The following DNM1 variants were observed in gnomAD, a reference collection of about 807,000 sequenced individuals.
The protein encoded by DNM1 is dynamin 1.
DNM1 carries 29 observed loss-of-function variants against 104.6 expected under a neutral mutation model. That is an observed-to-expected ratio of 0.28 (90% CI 0.21 to 0.38). The LOEUF (loss-of-function observed/expected upper bound fraction) is 0.38, where lower values mean the gene tolerates loss of function less well. DNM1 is among the 10% of genes least tolerant of loss of function. The probability of loss-of-function intolerance (pLI) is 1.00; values close to 1 mark genes in which losing one functional copy is unlikely to be tolerated. For synonymous variants in DNM1, 445 were observed against 475.8 expected, an observed-to-expected ratio of 0.94 and a Z score of 0.84; for missense variants, 640 against 1,189.4, an observed-to-expected ratio of 0.54 and a Z score of 6.79.
At chr9:128,215,105 C>T (rs1393866950) in intron 1 of DNM1, among the ~76,000 whole-genome samples, 1 of 152,214 alleles carries the variant, frequency 6.6e-6, no homozygotes, top group Non-Finnish European at 1.5e-5. Flanking sequence ...GCTCATTGTC[C>T]GGACCTGGGG....
Position 128,224,978 on chromosome 9 carries a change from C to T in DNM1, c.1335+589C>T, listed in dbSNP as rs1218473907. On this transcript the variant is annotated intron_variant, in intron 10 of 21. Transcript: ENST00000372923. This position sits in a 1 kb window ranked among gnomAD's most constrained non-coding sequence, Gnocchi z 4.3. ...CTCCCTCCCTTCCATCCACATCTGG[C>T]TTTCCAGGGATAGAGCCCTTCTCCC... Among the ~76,000 whole-genome samples the T allele has an allele frequency of 6.6e-6, 1 of 152,182 alleles. No homozygotes were observed. Among genetic ancestry groups the T allele is most frequent in the African/African-American group, 2.4e-5 (1 of 41,426 alleles).
intron 16 of DNM1, chr9:128,246,846 G>A: frequency 2.9e-6 from 1 of 344,248 alleles, no homozygotes; most frequent in South Asian, 3.1e-5. Context: ...CACTGGTATA[G>A]TGCATGCTCT....
chr9:128,242,441 T>C, intron 15 of DNM1, 96 bp downstream of exon 15: 1 of 695,458 alleles, frequency 1.4e-6, no homozygotes, highest in South Asian at 1.7e-5. Context: ...GACCATGGAA[T>C]AGGGTTTTAA....
At chr9:128,227,009 C>CTTTTTTTT (rs369464140) in intron 10 of DNM1, among the ~76,000 whole-genome samples, 10 of 101,776 alleles carry the variant, frequency 9.8e-5, no homozygotes, top group Non-Finnish European at 1.3e-4. Flanking sequence ...ATCTCCATTC[C>CTTTTTTTT]TTTTTTTTTT....
In DNM1 at chr9:128,203,779, G is replaced by A; in HGVS notation, c.161+148G>A. On this transcript the variant is annotated intron_variant, in intron 1 of 21. Transcript: ENST00000372923. This position sits in a 1 kb window ranked among gnomAD's most constrained non-coding sequence, Gnocchi z 5.3. ...CCCCACCCCCAGCCGGAGCGAGGAG[G>A]CCCTCCCCCCACCACGAGAGCCCCT... 1.5e-6 allele frequency: 1 copy of A among 683,940 alleles called. No homozygotes were observed. Among genetic ancestry groups the A allele is most frequent in the Non-Finnish European group, 2.0e-6 (1 of 496,858 alleles). The allele number at this position is 683,940 out of a possible 1,614,324, so 42.4% of individuals were successfully genotyped here.
chr9:128,217,949 T>A (rs949498129), intron 1 of DNM1, among the ~76,000 whole-genome samples: 3 of 152,172 alleles, frequency 2.0e-5, no homozygotes, highest in African/African-American at 7.2e-5. Flanking sequence ...GGGCAGGGAC[T>A]TCCTATTGGT....
At chr9:128,238,864 G>A (rs543962417) in intron 11 of DNM1, among the ~76,000 whole-genome samples, 113 of 150,044 alleles carry the variant, frequency 7.5e-4, no homozygotes, top group Non-Finnish European at 1.5e-3. Context: ...ACCGTGTTAG[G>A]CAGGATGGTC....
At position 128,253,903 on chromosome 9, in the gene DNM1, TC is replaced by T. The variant is rs1432080821; in HGVS notation, c.2535-750del. On this transcript the variant is annotated intron_variant, in intron 21 of 21. Coordinates refer to ENST00000372923, the MANE Select transcript of DNM1 (RefSeq NM_004408.4). This position sits in a 1 kb window ranked among gnomAD's most constrained non-coding sequence, Gnocchi z 5.9. ...TTGCTCCTAGGGTCACTTGTGCCAT[TC>T]AGCCAAGGGGACGACCGTGCCTGCT... 8.1e-7 allele frequency: 1 copy of T among 1,230,770 alleles called. No individual in the cohort carries two copies. The highest frequency in any genetic ancestry group is 1.6e-5 in the African/African-American group (1 of 64,460). 76.2% of individuals were successfully genotyped at this position (1,230,770 alleles called of 1,614,324 possible). A position where few individuals can be genotyped will look rare whatever the true frequency, so the allele number is the denominator to read the frequency against.
At position 128,254,536 on chromosome 9, in the gene DNM1, C is replaced by A; in HGVS notation, c.2535-118C>A. ...CACCCACACCTGCAGCCTCCCCTCC[C>A]CGGCCCTCCCACCACTGCTGCGGCG... On this transcript the variant is annotated intron_variant, in intron 21 of 21. Coordinates refer to ENST00000372923, the MANE Select transcript of DNM1 (RefSeq NM_004408.4). This position sits in a 1 kb window ranked among gnomAD's most constrained non-coding sequence, Gnocchi z 6.1. The A allele has an allele frequency of 6.4e-7, 1 of 1,553,096 alleles. No homozygotes were observed. Among genetic ancestry groups the A allele is most frequent in the East Asian group, 2.4e-5 (1 of 42,102 alleles).
At chr9:128,209,374 G>A (rs1217421584) in intron 1 of DNM1, among the ~76,000 whole-genome samples, 1 of 152,288 alleles carries the variant, frequency 6.6e-6, no homozygotes, top group Middle Eastern at 3.4e-3. Context: ...TCGGACCCAG[G>A]GAAGGGGGTG....
intron 11 of DNM1, among the ~76,000 whole-genome samples, chr9:128,237,076 A>G (rs1293053029): frequency 1.3e-5 from 2 of 152,332 alleles, no homozygotes; most frequent in Admixed American, 6.5e-5. Flanking sequence ...CAGAAACGCT[A>G]CATTTGTGGA....
chr9:128,225,963 T>G, intron 10 of DNM1: 1 of 1,464,800 alleles, frequency 6.8e-7, no homozygotes, highest in Non-Finnish European at 9.5e-7. Context: ...TGTCTCTGCT[T>G]GGCTTTCACC....
Position 128,222,189 on chromosome 9 carries a change from A to G in DNM1, c.850-8A>G, listed in dbSNP as rs750891102. ...TGTCCTCAACCCTTTCCTCACCCTTACCCCCAGCAACTGACGAACCACATC... is the reference window on the plus strand; with the variant it reads ...TGTCCTCAACCCTTTCCTCACCCTTGCCCCCAGCAACTGACGAACCACATC... On this transcript the variant is annotated splice_region_variant and splice_polypyrimidine_tract_variant and intron_variant, in intron 6 of 21. Transcript: ENST00000372923. This position sits in a 1 kb window ranked among gnomAD's most constrained non-coding sequence, Gnocchi z 7.8. The G allele has an allele frequency of 6.2e-6, 10 of 1,609,046 alleles. No homozygotes were observed. The African/African-American group carries it at 1.1e-4, about 17-fold the overall frequency.
chr9:128,206,375 G>A (rs1283202428), intron 1 of DNM1, among the ~76,000 whole-genome samples: 1 of 152,174 alleles, frequency 6.6e-6, no homozygotes, highest in Non-Finnish European at 1.5e-5. Context: ...TTTTACAGAA[G>A]GGAAAACTGA....
In DNM1 at chr9:128,222,462, A is replaced by G; in HGVS notation, c.994A>G (p.Met332Val). The G allele has an allele frequency of 4.3e-6, 7 of 1,614,092 alleles. No homozygotes were observed. Among genetic ancestry groups the G allele is most frequent in the Non-Finnish European group, 5.9e-6 (7 of 1,179,992 alleles). ...PARKTKALLQ[M>V]VQQFAVDFEK... ...CAGGCCACACCACTCTCCCACCAGGATGGTCCAGCAGTTCGCCGTAGACTT... is the reference window on the plus strand; with the variant it reads ...CAGGCCACACCACTCTCCCACCAGGGTGGTCCAGCAGTTCGCCGTAGACTT... The change falls in exon 8 of 22, where the codon ATG (methionine) becomes GTG (valine). Residue 332 changes from methionine to valine, a missense_variant and splice_region_variant. Coordinates refer to ENST00000372923, the MANE Select transcript of DNM1 (RefSeq NM_004408.4). The surrounding 1 kb of genome is among the most constrained non-coding windows in gnomAD (Gnocchi z 7.8).
In DNM1 at chr9:128,203,674, GAT is replaced by G; in HGVS notation, c.161+44_161+45del. ...CCAGGCGCCGACCCCCGACCCCCGG[GAT>G]CCCTGGAGTCCCCGCCCGGGGCACT... On this transcript the variant is annotated intron_variant, in intron 1 of 21. Transcript: ENST00000372923. The surrounding 1 kb of genome is among the most constrained non-coding windows in gnomAD (Gnocchi z 5.3). 1 of 1,461,954 alleles carries G rather than the reference GAT, an allele frequency of 6.8e-7. No individual in the cohort carries two copies. Among genetic ancestry groups the G allele is most frequent in the Non-Finnish European group, 9.0e-7 (1 of 1,112,734 alleles). 90.6% of individuals were successfully genotyped at this position (1,461,954 alleles called of 1,614,324 possible). A position where few individuals can be genotyped will look rare whatever the true frequency, so the allele number is the denominator to read the frequency against.
At position 128,254,332 on chromosome 9, in the gene DNM1, C is replaced by T; in HGVS notation, c.2535-322C>T. On this transcript the variant is annotated intron_variant, in intron 21 of 21. Coordinates refer to ENST00000372923, the MANE Select transcript of DNM1 (RefSeq NM_004408.4). This position sits in a 1 kb window ranked among gnomAD's most constrained non-coding sequence, Gnocchi z 6.1. Reference sequence around the variant, plus strand: ...CAGGGTGACCAGAGAAGAGGGAAGCCCGAGGGGGCCGAGCATCAGCCTGAA... The same window carrying T: ...CAGGGTGACCAGAGAAGAGGGAAGCTCGAGGGGGCCGAGCATCAGCCTGAA... 1 of 1,401,674 alleles carries T rather than the reference C, an allele frequency of 7.1e-7. No individual in the cohort carries two copies. The highest frequency in any genetic ancestry group is 9.2e-7 in the Non-Finnish European group (1 of 1,087,276). 86.8% of individuals were successfully genotyped at this position (1,401,674 alleles called of 1,614,324 possible). A position where few individuals can be genotyped will look rare whatever the true frequency, so the allele number is the denominator to read the frequency against.
chr9:128,229,620 A>AAAAAAC (rs1835551448), intron 10 of DNM1, among the ~76,000 whole-genome samples: 1 of 150,918 alleles, frequency 6.6e-6, no homozygotes, highest in African/African-American at 2.4e-5. Flanking sequence ...AAAAAAAAAA[A>AAAAAAC]AAAGCTTGGC....
intron 21 of DNM1, 96 bp downstream of exon 21, chr9:128,251,036 G>C (rs1229370075): frequency 2.4e-6 from 2 of 847,996 alleles, no homozygotes; most frequent in Non-Finnish European, 3.7e-6. Flanking sequence ...CTGGCCGCCA[G>C]AACCGGCCGT....
Sources: allele counts gnomAD v4.1 joint callset (sites outside exome capture counted in the v4.1 genomes callset), GRCh38; gene constraint gnomAD v4.1.1; non-coding constraint Gnocchi (gnomAD v3.1); transcripts MANE v1.5; gene names NCBI Gene and HGNC (gene_info 2026-07-23, HGNC 2026-07-21).